Variants in CLEC16A observed in about 807,000 individuals in gnomAD.
The protein encoded by CLEC16A is protein CLEC16A.
In CLEC16A, 51 loss-of-function variants were observed where a neutral mutation model predicts 109.5. The ratio of observed to expected loss-of-function variants is 0.47; its 90% CI spans 0.37 to 0.59. The LOEUF (loss-of-function observed/expected upper bound fraction) is 0.59, where lower values mean the gene tolerates loss of function less well. Among genes scored for constraint, CLEC16A ranks in the 20% least tolerant of loss-of-function variants. The pLI is 0.00. For missense variants in CLEC16A, 1,339 were observed against 1,394.0 expected (o/e 0.96, Z 0.63); for synonymous variants, 673 against 564.2 (o/e 1.19, Z -2.73).
chr16:11,166,624 C>T (rs1157892135), intron 23 of CLEC16A, 72 bp downstream of exon 23: 9 of 1,428,242 alleles, frequency 6.3e-6, no homozygotes, highest in Non-Finnish European at 7.4e-6. Flanking sequence ...TACCAAAACC[C>T]CTGACCTCCA....
At chr16:11,110,471 C>A (rs762999201) in intron 19 of CLEC16A, among the ~76,000 whole-genome samples, 1 of 152,140 alleles carries the variant, frequency 6.6e-6, no homozygotes, top group Admixed American at 6.5e-5. Context: ...CATGACCTTA[C>A]GGGAATTCTG....
chr16:10,999,182 C>G (rs1047699722), intron 10 of CLEC16A, among the ~76,000 whole-genome samples: 2 of 152,166 alleles, frequency 1.3e-5, no homozygotes, highest in Non-Finnish European at 1.5e-5. Flanking sequence ...AGGAATCCTC[C>G]CATCTCAGCC....
At chr16:11,162,820 C>A (rs1468988995) in intron 22 of CLEC16A, among the ~76,000 whole-genome samples, 2 of 152,192 alleles carry the variant, frequency 1.3e-5, no homozygotes, top group African/African-American at 2.4e-5. Flanking sequence ...CACCAATATG[C>A]TGAATATCCT....
At position 10,944,684 on chromosome 16, in the gene CLEC16A, A is replaced by G. The variant is rs2041247839; in HGVS notation, c.-34A>G. 3 of 1,582,228 alleles carry G rather than the reference A, an allele frequency of 1.9e-6. No individual in the cohort carries two copies. Among genetic ancestry groups the G allele is most frequent in the Non-Finnish European group, 2.6e-6 (3 of 1,162,242 alleles). ...GGCCGCTCTGCTGGTCCGGCATGAG[A>G]CCGTGAGACGAGAGACGGGTCGGGG... On this transcript the variant is annotated 5_prime_UTR_variant, in exon 1 of 24. Coordinates refer to ENST00000409790, the MANE Select transcript of CLEC16A (RefSeq NM_015226.3).
chr16:10,957,556 A>G (rs1482648973), intron 1 of CLEC16A, among the ~76,000 whole-genome samples: 1 of 152,002 alleles, frequency 6.6e-6, no homozygotes, highest in African/African-American at 2.4e-5. Context: ...GGGTTTGACG[A>G]TTTTCTTGTC....
chr16:11,106,408 C>G (rs930868301), intron 19 of CLEC16A, among the ~76,000 whole-genome samples: 10 of 151,806 alleles, frequency 6.6e-5, no homozygotes, highest in African/African-American at 2.4e-4. Context: ...CCCACTTCGG[C>G]CTCCGAAGCA....
chr16:11,084,597 G>T (rs2049908556), intron 19 of CLEC16A, among the ~76,000 whole-genome samples: 1 of 152,176 alleles, frequency 6.6e-6, no homozygotes, highest in Non-Finnish European at 1.5e-5. Context: ...CTTTGCGTGG[G>T]TCTCTTTCTC....
At chr16:10,970,220 C>T (rs2042714270) in intron 4 of CLEC16A, among the ~76,000 whole-genome samples, 1 of 152,314 alleles carries the variant, frequency 6.6e-6, no homozygotes, top group African/African-American at 2.4e-5. Flanking sequence ...TCCTCAGGTT[C>T]AACCCCTCAT....
intron 19 of CLEC16A, among the ~76,000 whole-genome samples, chr16:11,061,476 A>T (rs1408680722): frequency 6.6e-6 from 1 of 152,228 alleles, no homozygotes; most frequent in Non-Finnish European, 1.5e-5. Context: ...AGGCTGGAGA[A>T]CCACGTGCTC....
chr16:11,077,845 G>A (rs2049468951), intron 19 of CLEC16A, among the ~76,000 whole-genome samples: 1 of 151,996 alleles, frequency 6.6e-6, no homozygotes, highest in South Asian at 2.1e-4. Context: ...ATGGCTAGGC[G>A]CGGTGGCTCA....
intron 19 of CLEC16A, among the ~76,000 whole-genome samples, chr16:11,118,783 G>T (rs555929844): frequency 2.6e-4 from 40 of 152,284 alleles, no homozygotes; most frequent in African/African-American, 9.4e-4. Context: ...TTACATTTAA[G>T]TCTTTAATCT....
At chr16:10,968,745 A>G (rs2042635808) in intron 3 of CLEC16A, among the ~76,000 whole-genome samples, 1 of 152,084 alleles carries the variant, frequency 6.6e-6, no homozygotes, top group South Asian at 2.1e-4. Flanking sequence ...AAAAAACCCT[A>G]CTGTGGCCTT....
intron 13 of CLEC16A, among the ~76,000 whole-genome samples, chr16:11,032,757 G>T (rs1429683930): frequency 6.6e-6 from 1 of 152,228 alleles, no homozygotes; most frequent in African/African-American, 2.4e-5. Context: ...GAAGGGAGCA[G>T]CATGTACAGA....
At chr16:11,062,576 G>A (rs544450957) in intron 19 of CLEC16A, among the ~76,000 whole-genome samples, 101 of 152,304 alleles carry the variant, frequency 6.6e-4, no homozygotes, top group African/African-American at 2.4e-3. Context: ...ACTGTAGTCA[G>A]TATTACAGGA....
At chr16:10,966,821 T>A (rs1191007999) in intron 3 of CLEC16A, among the ~76,000 whole-genome samples, 3 of 152,142 alleles carry the variant, frequency 2.0e-5, no homozygotes, top group Non-Finnish European at 4.4e-5. Flanking sequence ...ACCTGATCCC[T>A]CCCACAACAC....
At chr16:11,034,150 C>T (rs1036600941) in intron 13 of CLEC16A, among the ~76,000 whole-genome samples, 15 of 152,156 alleles carry the variant, frequency 9.9e-5, no homozygotes, top group Admixed American at 2.0e-4. Context: ...GAAGCTTTTG[C>T]CATGCGGAGA....
Position 11,178,679 on chromosome 16 carries a change from G to A in CLEC16A, c.3151G>A (p.Ala1051Thr), listed in dbSNP as rs201910797. ...TGCATGTGCTGAGCCTGTGGGCACC[G>A]CTGAGGACTGAGTCAGTGCCGGGGC... Reference protein sequence around the residue: ...EAACAEPVGTAED With the variant: ...EAACAEPVGTTED The change falls in exon 24 of 24, where the codon GCT (alanine) becomes ACT (threonine). Residue 1051 changes from alanine (A) to threonine (T), a missense_variant. Transcript: ENST00000409790. This position sits in a 1 kb window ranked among gnomAD's most constrained non-coding sequence, Gnocchi z 6.5. 5.4e-5 allele frequency: 82 copies of A among 1,504,960 alleles called. No homozygotes were observed. Among genetic ancestry groups the A allele is most frequent in the East Asian group, 1.5e-4 (6 of 41,132 alleles). 93.2% of individuals were successfully genotyped at this position (1,504,960 alleles called of 1,614,324 possible).
rs545547520 is a variant in CLEC16A at position 11,115,847 on chromosome 16, TTAATA to T, written c.2117-4760_2117-4756del. 2.0e-3 allele frequency among the ~76,000 whole-genome samples: 304 copies of T among 151,712 alleles called. 1 individual carries two copies. Among genetic ancestry groups the T allele is most frequent in the African/African-American group, 5.6e-3 (234 of 41,468 alleles). ...TAAACATACTATTGTACATTTTATGTTAATATAATATATTTCATAATATATTAAAA... is the reference window on the plus strand; with the variant it reads ...TAAACATACTATTGTACATTTTATGTTAATATATTTCATAATATATTAAAA... On this transcript the variant is annotated intron_variant, in intron 19 of 23. Coordinates refer to ENST00000409790, the MANE Select transcript of CLEC16A (RefSeq NM_015226.3).
rs371330771 is a variant in CLEC16A, at chr16:11,052,812, C to T, written c.1995+1171C>T. Among the ~76,000 whole-genome samples, 8 of 152,332 alleles carry T rather than the reference C, an allele frequency of 5.3e-5. No homozygotes were observed. In the East Asian group the frequency reaches 9.7e-4, roughly 18 times the overall value. On this transcript the variant is annotated intron_variant, in intron 18 of 23. Coordinates refer to ENST00000409790, the MANE Select transcript of CLEC16A (RefSeq NM_015226.3). ...AAGAAGGCCCCACCTGGGAGATCCCCCCGCACCCCTGAGCCAGAAGGTCCA... is the reference window on the plus strand; with the variant it reads ...AAGAAGGCCCCACCTGGGAGATCCCTCCGCACCCCTGAGCCAGAAGGTCCA...
Sources: gnomAD v4.1 joint callset for allele counts (sites outside exome capture counted in the v4.1 genomes callset) on GRCh38, gnomAD v4.1.1 for gene constraint, Gnocchi (gnomAD v3.1) non-coding constraint, MANE v1.5 for transcripts, NCBI Gene and HGNC (gene_info 2026-07-23, HGNC 2026-07-21) for gene names.